LRBA: variants seen among roughly 807,000 people sequenced by gnomAD.
The protein encoded by LRBA is LPS responsive beige-like anchor protein.
Under a neutral mutation model 330.0 loss-of-function variants are expected in LRBA, and 176 were observed. The ratio of observed to expected loss-of-function variants is 0.53; its 90% CI spans 0.47 to 0.60. The LOEUF (loss-of-function observed/expected upper bound fraction) is 0.60, where lower values mean the gene tolerates loss of function less well. Among genes scored for constraint, LRBA ranks in the 20% least tolerant of loss-of-function variants. The pLI, the probability that LRBA is intolerant of heterozygous loss-of-function variation, is 0.00. For synonymous variants in LRBA, 1,230 were observed against 1,193.0 expected (o/e 1.03, Z -0.64); for missense variants, 3,259 against 3,444.8 (o/e 0.95, Z 1.35).
intron 2 of LRBA, among the ~76,000 whole-genome samples, chr4:150,949,385 G>A (rs1464077668): frequency 6.6e-6 from 1 of 152,052 alleles, no homozygotes; most frequent in Non-Finnish European, 1.5e-5. Context: ...TATAGAAATT[G>A]AGAACAGATT....
intron 44 of LRBA, among the ~76,000 whole-genome samples, chr4:150,450,846 C>T (rs1753260734): frequency 2.0e-5 from 3 of 152,072 alleles, no homozygotes; most frequent in Admixed American, 2.0e-4. Context: ...ACCAGCCTGG[C>T]CAACACGGCA....
At chr4:150,714,760 T>A (rs1172695671) in intron 36 of LRBA, among the ~76,000 whole-genome samples, 1 of 152,194 alleles carries the variant, frequency 6.6e-6, no homozygotes, top group Non-Finnish European at 1.5e-5. Flanking sequence ...TTTTGCTCAT[T>A]AAAATATATT....
chr4:150,328,892 T>G (rs780680012), intron 48 of LRBA, among the ~76,000 whole-genome samples: 5 of 152,204 alleles, frequency 3.3e-5, no homozygotes, highest in Non-Finnish European at 7.3e-5. Flanking sequence ...TAGATACAAA[T>G]TTAATATAAC....
intron 40 of LRBA, among the ~76,000 whole-genome samples, chr4:150,510,414 A>G (rs761350992): frequency 5.9e-5 from 9 of 152,290 alleles, no homozygotes; most frequent in Non-Finnish European, 8.8e-5. Flanking sequence ...CAAACACAGT[A>G]TAAGTAAAAA....
At chr4:150,738,012 G>C (rs71618352) in intron 35 of LRBA, among the ~76,000 whole-genome samples, 1 of 115,682 alleles carries the variant, frequency 8.6e-6, no homozygotes, top group African/African-American at 3.5e-5. Context: ...TTTTTTCTGA[G>C]ACGAAGTTTC....
chr4:150,265,704 G>C lies in LRBA; in HGVS notation c.*18C>G, dbSNP rs770575641. The C allele has an allele frequency of 3.9e-6, 6 of 1,534,320 alleles. No individual in the cohort carries two copies. In the Admixed American group the frequency reaches 1.0e-4, roughly 26 times the overall value. ...TTCTGCTCATCCTAGGGGCAGAGTT[G>C]ATGTACAGCTGTCACCATCAGTAGC... On this transcript the variant is annotated 3_prime_UTR_variant, in exon 57 of 57. Coordinates refer to ENST00000651943, the MANE Select transcript of LRBA (RefSeq NM_001364905.1).
chr4:150,848,203 CG>C (rs1750116887), intron 26 of LRBA, among the ~76,000 whole-genome samples: 1 of 151,938 alleles, frequency 6.6e-6, no homozygotes, highest in South Asian at 2.1e-4. Context: ...TTAGTAAAGA[CG>C]GGGTTTCACC....
intron 14 of LRBA, among the ~76,000 whole-genome samples, chr4:150,898,797 T>C (rs1186215081): frequency 2.0e-5 from 3 of 152,088 alleles, no homozygotes; most frequent in African/African-American, 7.2e-5. Flanking sequence ...ATGATACACC[T>C]ACAGCACCAT....
chr4:150,665,368 C>T (rs188760958), intron 37 of LRBA, among the ~76,000 whole-genome samples: 2 of 152,268 alleles, frequency 1.3e-5, no homozygotes, highest in African/African-American at 4.8e-5. Flanking sequence ...ATGTAAAGTT[C>T]TATATCAGTG....
intron 37 of LRBA, among the ~76,000 whole-genome samples, chr4:150,675,097 G>A (rs1289764915): frequency 3.9e-5 from 6 of 152,042 alleles, no homozygotes; most frequent in Non-Finnish European, 8.8e-5. Context: ...GCCTCAGGGA[G>A]GCTGAGTTAA....
chr4:150,925,296 T>C (rs997636654), intron 4 of LRBA, among the ~76,000 whole-genome samples: 7 of 152,250 alleles, frequency 4.6e-5, no homozygotes, highest in Admixed American at 4.6e-4. Context: ...CTACCTTCTA[T>C]ACATTTTACC....
intron 37 of LRBA, among the ~76,000 whole-genome samples, chr4:150,616,350 A>G (rs914979676): frequency 6.6e-6 from 1 of 152,202 alleles, no homozygotes; most frequent in Non-Finnish European, 1.5e-5. Context: ...AAGACGAGGA[A>G]GAACCAGCAA....
chr4:150,899,053 C>G (rs1232197719), intron 14 of LRBA, among the ~76,000 whole-genome samples: 1 of 152,154 alleles, frequency 6.6e-6, no homozygotes, highest in Admixed American at 6.6e-5. Flanking sequence ...TAATTTCAAG[C>G]AACAGCTCTT....
rs72955806 is a variant in LRBA, at chr4:150,384,848, T to C, written c.7194+30590A>G. 5.5e-3 allele frequency among the ~76,000 whole-genome samples: 844 copies of C among 152,258 alleles called. 6 individuals carry two copies. Among genetic ancestry groups the C allele is most frequent in the African/African-American group, 0.019 (794 of 41,546 alleles). The stretch of plus-strand genomic sequence containing the variant: ...TGATTCTGATCTATAATTATCAGTA[T>C]GAATTTTTCATGTTTTTCTTTTGCA... On this transcript the variant is annotated intron_variant, in intron 47 of 56. Coordinates refer to ENST00000651943, the MANE Select transcript of LRBA (RefSeq NM_001364905.1).
intron 34 of LRBA, among the ~76,000 whole-genome samples, chr4:150,772,215 G>C (rs1736676363): frequency 1.3e-5 from 2 of 152,126 alleles, no homozygotes; most frequent in African/African-American, 4.8e-5. Flanking sequence ...TCCCAAAAAA[G>C]GGCTGTAGTG....
chr4:150,833,315 G>C (rs1263522432), intron 28 of LRBA, among the ~76,000 whole-genome samples: 1 of 151,598 alleles, frequency 6.6e-6, no homozygotes, highest in Non-Finnish European at 1.5e-5. Flanking sequence ...GTTTGAACTT[G>C]TTAATTTAAA....
intron 35 of LRBA, among the ~76,000 whole-genome samples, chr4:150,748,969 GC>G (rs1423795371): frequency 6.6e-6 from 1 of 152,106 alleles, no homozygotes; most frequent in Non-Finnish European, 1.5e-5. Context: ...ACTGAAACCT[GC>G]CAGTGTCTTA....
At chr4:150,638,948 C>G (rs2126705349) in intron 37 of LRBA, among the ~76,000 whole-genome samples, 1 of 90,278 alleles carries the variant, frequency 1.1e-5, no homozygotes, top group South Asian at 4.4e-4. Flanking sequence ...GACTTGGAAC[C>G]AACCCAAATG....
At chr4:150,888,223 A>C (rs1273429079) in intron 17 of LRBA, among the ~76,000 whole-genome samples, 1 of 152,204 alleles carries the variant, frequency 6.6e-6, no homozygotes, top group East Asian at 1.9e-4. Flanking sequence ...AGTGAAGGTC[A>C]AATAAATATA....
Sources: allele counts gnomAD v4.1 joint callset (sites outside exome capture counted in the v4.1 genomes callset), GRCh38; gene constraint gnomAD v4.1.1; transcripts MANE v1.5; gene names NCBI Gene and HGNC (gene_info 2026-07-23, HGNC 2026-07-21).